Variants in DAPK2 observed in about 807,000 individuals in gnomAD.
DAPK2 encodes the protein death associated protein kinase 2, also known as death-associated protein kinase 2.
DAPK2 carries 35 observed loss-of-function variants against 44.1 expected under a neutral mutation model. The observed-to-expected ratio is 0.79, with a 90% confidence interval of 0.61 to 1.05. The LOEUF (loss-of-function observed/expected upper bound fraction) is 1.05. Among genes scored for constraint, DAPK2 ranks in the 50% least tolerant of loss-of-function variants. DAPK2 has a pLI of 0.00. For missense variants in DAPK2, 453 were observed against 483.2 expected, an observed-to-expected ratio of 0.94 and a Z score of 0.59; for synonymous variants, 174 against 182.6, an observed-to-expected ratio of 0.95 and a Z score of 0.38.
chr15:64,046,355 C>CGCGGCGGGA (rs1485137952), upstream of DAPK2: 50,378 of 351,956 alleles, frequency 0.14, 9,443 homozygotes, highest in Admixed American at 0.27. The surrounding 1 kb of genome is among the most constrained non-coding windows in gnomAD (Gnocchi z 5.3). Context: ...GAGCGGCGGG[C>CGCGGCGGGA]GCGGCGGGCG....
At chr15:63,983,585 T>C in exon 2 of DAPK2, 1 of 1,614,142 alleles carries the variant, frequency 6.2e-7, no homozygotes, top group Non-Finnish European at 8.5e-7. Flanking sequence ...TCGTGCAGCG[T>C]GATGACATTG....
chr15:64,003,289 T>C lies in DAPK2; in HGVS notation c.93-19535A>G, dbSNP rs552736519. ...CTAGATTCTGTCCCTTTTCAGCGGC[T>C]GAGTGAGGAAAAACTTGGAATAGCA... On this transcript the variant is annotated intron_variant, in intron 1 of 10. Coordinates refer to ENST00000261891, the Ensembl canonical transcript of DAPK2. 8.9e-4 allele frequency among the ~76,000 whole-genome samples: 136 copies of C among 152,294 alleles called. 1 individual carries two copies. Among genetic ancestry groups the C allele is most frequent in the African/African-American group, 3.1e-3 (128 of 41,570 alleles).
intron 1 of DAPK2, among the ~76,000 whole-genome samples, chr15:64,014,534 G>A (rs980633758): frequency 2.0e-5 from 3 of 152,236 alleles, no homozygotes; most frequent in Admixed American, 6.5e-5. Flanking sequence ...ACTGACAGGT[G>A]TTTACCAAAG....
At chr15:63,962,548 T>C (rs1401226073) in intron 3 of DAPK2, among the ~76,000 whole-genome samples, 2 of 152,256 alleles carry the variant, frequency 1.3e-5, no homozygotes, top group Admixed American at 6.5e-5. Flanking sequence ...GTTCTTTCTG[T>C]TTGTTAGTTT....
chr15:63,978,673 C>A (rs887138387), intron 2 of DAPK2, among the ~76,000 whole-genome samples: 2 of 152,180 alleles, frequency 1.3e-5, no homozygotes, highest in Non-Finnish European at 2.9e-5. Flanking sequence ...AACCAAGGAG[C>A]CTGAGTGTCA....
chr15:64,031,323 C>G (rs2080009942), intron 1 of DAPK2, among the ~76,000 whole-genome samples: 1 of 151,840 alleles, frequency 6.6e-6, no homozygotes, highest in African/African-American at 2.4e-5. Flanking sequence ...GCTTCAACTT[C>G]CCATGCTCAA....
At chr15:63,911,632 G>A (rs942499132) in intron 10 of DAPK2, 12 of 472,792 alleles carry the variant, frequency 2.5e-5, no homozygotes, top group Non-Finnish European at 4.6e-5. Flanking sequence ...CGGCAGCAGC[G>A]GCCCCTCTGA....
At chr15:63,958,635 G>C (rs1298307107) in intron 3 of DAPK2, among the ~76,000 whole-genome samples, 1 of 152,086 alleles carries the variant, frequency 6.6e-6, no homozygotes, top group Non-Finnish European at 1.5e-5. Flanking sequence ...TCTTGTTTTT[G>C]TCAGGTTTGT....
chr15:63,994,882 G>C (rs1463786152), intron 1 of DAPK2, among the ~76,000 whole-genome samples: 1 of 151,988 alleles, frequency 6.6e-6, no homozygotes, highest in Non-Finnish European at 1.5e-5. Context: ...GAGCCACTGT[G>C]CCTGGCCTGT....
exon 7 of DAPK2, chr15:63,926,055 T>C (rs2079251309): frequency 6.2e-7 from 1 of 1,613,394 alleles, no homozygotes; most frequent in South Asian, 1.1e-5. Context: ...CAGTGTTTCC[T>C]GCTTCGTGTC....
At position 64,002,958 on chromosome 15, in the gene DAPK2, G is replaced by GACC. The variant is rs1567266499; in HGVS notation, c.93-19205_93-19204insGGT. 1.8e-4 allele frequency among the ~76,000 whole-genome samples: 20 copies of GACC among 113,468 alleles called. No homozygotes were observed. The East Asian group carries it at 3.4e-3, about 20-fold the overall frequency. 74.4% of individuals were successfully genotyped at this position (113,468 alleles called of 152,430 possible). On this transcript the variant is annotated intron_variant, in intron 1 of 10. Coordinates refer to ENST00000261891, the Ensembl canonical transcript of DAPK2. ...TGTGTGTGTGTGTGTGTGTGTGTGT[G>GACC]TGTGTGTCGTGGGACCTGTGTGTGT...
At chr15:63,930,596 G>A (rs934715287) in intron 4 of DAPK2, 141 bp from the exon 6 acceptor site, 6 of 756,700 alleles carry the variant, frequency 7.9e-6, no homozygotes, top group South Asian at 6.5e-5. Context: ...AAGGTGATCT[G>A]CATCTAAGAT....
chr15:63,923,120 T>A lies in DAPK2; in HGVS notation c.858+1696A>T, dbSNP rs945246585. On this transcript the variant is annotated intron_variant, in intron 8 of 10. Coordinates refer to ENST00000261891, the Ensembl canonical transcript of DAPK2. This position sits in a 1 kb window ranked among gnomAD's most constrained non-coding sequence, Gnocchi z 4.2. ...CTCATTGAAGATGGAGACCAGGGCC[T>A]CCACATCGTCCTGGATGGTATCGTG... 1 of 1,535,838 alleles carries A rather than the reference T, an allele frequency of 6.5e-7. No individual in the cohort carries two copies. The highest frequency in any genetic ancestry group is 2.0e-5 in the Admixed American group (1 of 50,982).
At chr15:64,021,840 G>A (rs1176312684) in intron 1 of DAPK2, among the ~76,000 whole-genome samples, 2 of 152,206 alleles carry the variant, frequency 1.3e-5, no homozygotes, top group African/African-American at 4.8e-5. Flanking sequence ...GAAGAGACAG[G>A]AAGGAGGAAA....
chr15:63,942,983 A>C (rs2077351766), intron 3 of DAPK2, among the ~76,000 whole-genome samples: 1 of 152,126 alleles, frequency 6.6e-6, no homozygotes, highest in African/African-American at 2.4e-5. Flanking sequence ...TATGTGCCCC[A>C]AGTGAAGACA....
At position 63,980,646 on chromosome 15, in the gene DAPK2, T is replaced by G. The variant is rs2078478360; in HGVS notation, c.314+2887A>C. On this transcript the variant is annotated intron_variant, in intron 2 of 10. Transcript: ENST00000261891. This position sits in a 1 kb window ranked among gnomAD's most constrained non-coding sequence, Gnocchi z 4.3. ...GGAGAAAATCATGAGAAGAAAGTTG[T>G]TTTATCAGTAAAATTTGTAATGGTT... Among the ~76,000 whole-genome samples the G allele has an allele frequency of 6.6e-6, 1 of 152,194 alleles. No individual in the cohort carries two copies. Among genetic ancestry groups the G allele is most frequent in the Admixed American group, 6.5e-5 (1 of 15,276 alleles).
chr15:64,009,343 C>A (rs552905293), intron 1 of DAPK2, among the ~76,000 whole-genome samples: 14 of 152,150 alleles, frequency 9.2e-5, no homozygotes, highest in Non-Finnish European at 1.8e-4. Context: ...ACCCACACAC[C>A]CAATCCACAC....
chr15:63,957,892 A>G (rs993901645), intron 3 of DAPK2, among the ~76,000 whole-genome samples: 1 of 152,196 alleles, frequency 6.6e-6, no homozygotes, highest in Non-Finnish European at 1.5e-5. Context: ...TGGCTGGGTC[A>G]AATGGTATTT....
In DAPK2 at chr15:63,908,600, T is replaced by C; in HGVS notation, c.1033A>G (p.Arg345Gly). ...TCCTCAGTGTCACTCTCACAGTTCCTCTGGAGAAAAAAAAGAGAAAGAGGT... is the reference window on the plus strand; with the variant it reads ...TCCTCAGTGTCACTCTCACAGTTCCCCTGGAGAAAAAAAAGAGAAAGAGGT... The change falls in exon 11 of 11, where the codon AGG (arginine) becomes GGG (glycine). Residue 345 changes from arginine (R) to glycine (G), a missense_variant and splice_region_variant. Arg to Gly is a moderately radical substitution (Grantham distance 125). Transcript: ENST00000261891. The surrounding 1 kb of genome is among the most constrained non-coding windows in gnomAD (Gnocchi z 5.7). 6.3e-7 allele frequency: 1 copy of C among 1,593,132 alleles called. No individual in the cohort carries two copies. The highest frequency in any genetic ancestry group is 8.5e-7 in the Non-Finnish European group (1 of 1,171,846).
Sources: gnomAD v4.1 joint callset for allele counts (sites outside exome capture counted in the v4.1 genomes callset) on GRCh38, gnomAD v4.1.1 for gene constraint, Gnocchi (gnomAD v3.1) non-coding constraint, MANE v1.5 for transcripts, NCBI Gene and HGNC (gene_info 2026-07-23, HGNC 2026-07-21) for gene names.